Variants in ZC3H14 observed in about 807,000 individuals in gnomAD.
ZC3H14 encodes zinc finger CCCH-type containing 14.
ZC3H14 carries 31 observed loss-of-function variants against 92.4 expected under a neutral mutation model. The ratio of observed to expected loss-of-function variants is 0.34; its 90% CI spans 0.25 to 0.45. ZC3H14 has a LOEUF of 0.45. ZC3H14 is among the 20% of genes least tolerant of loss of function. ZC3H14 has a pLI of 1.00. For synonymous variants in ZC3H14, 321 were observed against 300.9 expected (o/e 1.07, Z -0.69); for missense variants, 781 against 897.3 (o/e 0.87, Z 1.66).
chr14:88,622,391 A>C lies in ZC3H14; in HGVS notation c.*10640A>C, dbSNP rs575632171. 2 of 399,328 alleles carry C rather than the reference A, an allele frequency of 5.0e-6. No homozygotes were observed. The highest frequency in any genetic ancestry group is 2.1e-5 in the African/African-American group (1 of 48,754). 24.7% of individuals were successfully genotyped at this position (399,328 alleles called of 1,614,324 possible). On this transcript the variant is annotated 3_prime_UTR_variant, in exon 17 of 17. Coordinates refer to ENST00000251038, the MANE Select transcript of ZC3H14 (RefSeq NM_024824.5). The stretch of plus-strand genomic sequence containing the variant: ...ATTCTAGAAAATATTGGAGGTTTAC[A>C]TACAGTATTTAGACAGAATAGCTTC...
At position 88,571,218 on chromosome 14, in the gene ZC3H14, A is replaced by G. The variant is rs536017285; in HGVS notation, c.235+94A>G. 6.4e-5 allele frequency: 73 copies of G among 1,139,852 alleles called. No homozygotes were observed. The African/African-American group carries it at 9.0e-4, about 14-fold the overall frequency. The allele number at this position is 1,139,852 out of a possible 1,614,324, so 70.6% of individuals were successfully genotyped here. A position where few individuals can be genotyped will look rare whatever the true frequency, so the allele number is the denominator to read the frequency against. Reference sequence around the variant, plus strand: ...ATAGTGCTTTGGGAAAAACCCATCAATTTCAAAACGGTTCATTTGAACTTT... The same window carrying G: ...ATAGTGCTTTGGGAAAAACCCATCAGTTTCAAAACGGTTCATTTGAACTTT... On this transcript the variant is annotated intron_variant, in intron 4 of 16. Coordinates refer to ENST00000251038, the MANE Select transcript of ZC3H14 (RefSeq NM_024824.5).
chr14:88,593,412 AG>A (rs1233303160), intron 9 of ZC3H14, among the ~76,000 whole-genome samples: 2 of 152,210 alleles, frequency 1.3e-5, no homozygotes, highest in Non-Finnish European at 2.9e-5. Flanking sequence ...AAAGGGACTG[AG>A]AATAGCCAAA....
rs1443224518 is a variant in ZC3H14 at position 88,616,885 on chromosome 14, G to A, written c.*5134G>A. The A allele has an allele frequency of 9.3e-6, 15 of 1,612,250 alleles. No individual in the cohort carries two copies. Among genetic ancestry groups the A allele is most frequent in the Non-Finnish European group, 1.2e-5 (14 of 1,179,202 alleles). ...AAACCTCATCTCCTAGAATACTAGA[G>A]GGAAGGAACAAAAGAAAACTCATCA... On this transcript the variant is annotated 3_prime_UTR_variant, in exon 17 of 17. Coordinates refer to ENST00000251038, the MANE Select transcript of ZC3H14 (RefSeq NM_024824.5).
At chr14:88,581,596 C>T (rs80078682) in intron 9 of ZC3H14, among the ~76,000 whole-genome samples, 8,280 of 152,070 alleles carry the variant, frequency 0.054, 267 homozygotes, top group Middle Eastern at 0.095. Flanking sequence ...AAGAACTAGG[C>T]TTCTTGAGAA....
At chr14:88,604,854 A>C (rs528794618) in intron 12 of ZC3H14, among the ~76,000 whole-genome samples, 8 of 152,270 alleles carry the variant, frequency 5.3e-5, no homozygotes, top group African/African-American at 1.9e-4. Context: ...TCGGCCTCCC[A>C]AAGTTCTGGG....
At chr14:88,598,346 C>T (rs1188583692) in intron 10 of ZC3H14, among the ~76,000 whole-genome samples, 1 of 152,176 alleles carries the variant, frequency 6.6e-6, no homozygotes, top group Non-Finnish European at 1.5e-5. Context: ...GTCAGCTTCT[C>T]CAAAACAAAG....
At chr14:88,595,270 T>G (rs1316843521) in intron 9 of ZC3H14, among the ~76,000 whole-genome samples, 1 of 152,220 alleles carries the variant, frequency 6.6e-6, no homozygotes, top group Admixed American at 6.5e-5. Context: ...TTGATTTAGC[T>G]TAGCAATCTA....
Position 88,616,359 on chromosome 14 carries a change from G to T in ZC3H14, c.*4608G>T. ...GTGGAGAGAGTAGGGAGTTAGCACC[G>T]CAGCCAGTGATTAGAATGCTTTTCA... On this transcript the variant is annotated 3_prime_UTR_variant, in exon 17 of 17. Coordinates refer to ENST00000251038, the MANE Select transcript of ZC3H14 (RefSeq NM_024824.5). 1 of 974,786 alleles carries T rather than the reference G, an allele frequency of 1.0e-6. No individual in the cohort carries two copies. Among genetic ancestry groups the T allele is most frequent in the Non-Finnish European group, 1.6e-6 (1 of 630,842 alleles). The allele number at this position is 974,786 out of a possible 1,614,324, so 60.4% of individuals were successfully genotyped here.
intron 10 of ZC3H14, among the ~76,000 whole-genome samples, chr14:88,600,021 A>G: frequency 6.6e-6 from 1 of 152,296 alleles, no homozygotes; most frequent in South Asian, 2.1e-4. Context: ...TCAGCATCTT[A>G]TTTCTGTCCC....
At chr14:88,594,173 T>G (rs941336558) in intron 9 of ZC3H14, among the ~76,000 whole-genome samples, 1 of 152,128 alleles carries the variant, frequency 6.6e-6, no homozygotes, top group African/African-American at 2.4e-5. Flanking sequence ...TCAAAACAAA[T>G]CAGAAATCTG....
At chr14:88,606,382 TCAGCC>T (rs1272642488) in intron 12 of ZC3H14, among the ~76,000 whole-genome samples, 4 of 152,172 alleles carry the variant, frequency 2.6e-5, no homozygotes. Context: ...TTTATCATCT[TCAGCC>T]CAGTCAGTCT....
At position 88,615,580 on chromosome 14, in the gene ZC3H14, A is replaced by C; in HGVS notation, c.*3829A>C. ...ACAGGGGGACTTGGCCTTTACCATC[A>C]AGTATTCGATCCTTCCTTGAAATGG... On this transcript the variant is annotated 3_prime_UTR_variant, in exon 17 of 17. Coordinates refer to ENST00000251038, the MANE Select transcript of ZC3H14 (RefSeq NM_024824.5). 6 of 450,922 alleles carry C rather than the reference A, an allele frequency of 1.3e-5. No individual in the cohort carries two copies. The highest frequency in any genetic ancestry group is 2.3e-5 in the Non-Finnish European group (6 of 256,984). 27.9% of individuals were successfully genotyped at this position (450,922 alleles called of 1,614,324 possible). A position where few individuals can be genotyped will look rare whatever the true frequency, so the allele number is the denominator to read the frequency against.
At chr14:88,596,043 T>C (rs924560130) in intron 9 of ZC3H14, among the ~76,000 whole-genome samples, 1 of 152,244 alleles carries the variant, frequency 6.6e-6, no homozygotes, top group African/African-American at 2.4e-5. Flanking sequence ...CCCTATTTTG[T>C]GCAGTCAGAC....
rs776954676 is a variant in ZC3H14 at position 88,572,856 on chromosome 14, A to G, written c.710A>G (p.Gln237Arg). ...VHLNRLQFQQ[Q>R]QNSIHAAKQL... ...TTAAACAGGTTGCAATTTCAACAGC[A>G]GCAGAATAGTATTCATGCTGCCAAG... Residue 237 changes from glutamine (Q) to arginine (R), a missense_variant, in exon 6 of 17, where the codon CAG (glutamine) becomes CGG (arginine). This residue lies in a region of ZC3H14 where 454 missense variants were observed against 438.5 expected (regional missense o/e 1.04). Transcript: ENST00000251038. The G allele has an allele frequency of 3.7e-6, 6 of 1,614,100 alleles. No individual in the cohort carries two copies. The highest frequency in any genetic ancestry group is 5.1e-6 in the Non-Finnish European group (6 of 1,180,054).
chr14:88,582,879 T>C (rs990285950), intron 9 of ZC3H14, among the ~76,000 whole-genome samples: 1 of 152,192 alleles, frequency 6.6e-6, no homozygotes, highest in African/African-American at 2.4e-5. Flanking sequence ...TGCACTCGTA[T>C]TGGCATAAGT....
At chr14:88,588,123 T>C (rs1302755936) in intron 9 of ZC3H14, among the ~76,000 whole-genome samples, 1 of 152,042 alleles carries the variant, frequency 6.6e-6, no homozygotes, top group African/African-American at 2.4e-5. Context: ...GTCTTATCAC[T>C]CTGTGCTTTG....
At chr14:88,577,074 C>T (rs997230993) in intron 8 of ZC3H14, among the ~76,000 whole-genome samples, 9 of 152,132 alleles carry the variant, frequency 5.9e-5, no homozygotes, top group African/African-American at 1.9e-4. Context: ...GGATTACAAG[C>T]GTGAGCCACC....
At chr14:88,601,724 A>G (rs529128637) in intron 10 of ZC3H14, among the ~76,000 whole-genome samples, 200 bp from the exon 11 acceptor site, 20 of 152,318 alleles carry the variant, frequency 1.3e-4, no homozygotes, top group African/African-American at 3.6e-4. Flanking sequence ...GCCGTGCCCT[A>G]CGCGAGAAGG....
chr14:88,601,786 T>TAGG, intron 10 of ZC3H14, 138 bp from the exon 11 acceptor site: 1 of 1,034,048 alleles, frequency 9.7e-7, no homozygotes, highest in Non-Finnish European at 1.4e-6. Flanking sequence ...AGCCCTGTTT[T>TAGG]CCTGAGTGGA....
Sources: gnomAD v4.1 joint callset for allele counts (sites outside exome capture counted in the v4.1 genomes callset) on GRCh38, gnomAD v4.1.1 for gene constraint, gnomAD v4.1.1 regional missense constraint, MANE v1.5 for transcripts, NCBI Gene and HGNC (gene_info 2026-07-23, HGNC 2026-07-21) for gene names.